NPRL2: variants seen among roughly 807,000 people sequenced by gnomAD.
The protein encoded by NPRL2 is NPR2 like, GATOR1 complex subunit.
A neutral mutation model predicts 51.1 loss-of-function variants in NPRL2; 21 were observed. That is an observed-to-expected ratio of 0.41 (90% CI 0.29 to 0.59). NPRL2 has a LOEUF of 0.59. NPRL2 is among the 20% of genes least tolerant of loss of function. The probability of loss-of-function intolerance (pLI) is 0.29; values close to 1 mark genes in which losing one functional copy is unlikely to be tolerated. For missense variants in NPRL2, 376 were observed against 483.4 expected, an observed-to-expected ratio of 0.78 and a Z score of 2.08; for synonymous variants, 175 against 187.8, an observed-to-expected ratio of 0.93 and a Z score of 0.56.
chr3:50,348,170 C>T lies in NPRL2; in HGVS notation c.886G>A (p.Asp296Asn). 1.2e-6 allele frequency: 2 copies of T among 1,614,074 alleles called. No individual in the cohort carries two copies. Among genetic ancestry groups the T allele is most frequent in the Non-Finnish European group, 1.7e-6 (2 of 1,180,044 alleles). ...CSLSPGTTVRDLIGRHPQQLQ... is the reference protein window; with the variant it reads ...CSLSPGTTVRNLIGRHPQQLQ... ...TGCTGGGGGTGGCGGCCAATGAGGT[C>T]TCGCACGGTAGTGCCAGGGCTCAGG... Residue 296 changes from aspartate (D) to asparagine (N), a missense_variant, in exon 9 of 11, where the codon GAC (aspartate) becomes AAC (asparagine). Physicochemically the swap from Asp to Asn is conservative, Grantham distance 23. Transcript: ENST00000232501. This position sits in a 1 kb window ranked among gnomAD's most constrained non-coding sequence, Gnocchi z 5.8.
chr3:50,350,119 T>C lies in NPRL2; in HGVS notation c.79-97A>G. ...CATGCCCCCCAAGCCCAAGTCCTCTTCTCCAGCGTTCCCCTCTCTCCCATC... is the reference window on the plus strand; with the variant it reads ...CATGCCCCCCAAGCCCAAGTCCTCTCCTCCAGCGTTCCCCTCTCTCCCATC... On this transcript the variant is annotated intron_variant, in intron 1 of 10. Transcript: ENST00000232501. The surrounding 1 kb of genome is among the most constrained non-coding windows in gnomAD (Gnocchi z 5.7). 2 of 935,330 alleles carry C rather than the reference T, an allele frequency of 2.1e-6. No individual in the cohort carries two copies. Among genetic ancestry groups the C allele is most frequent in the Middle Eastern group, 3.2e-4 (1 of 3,088 alleles). The allele number at this position is 935,330 out of a possible 1,614,324, so 57.9% of individuals were successfully genotyped here. A position where few individuals can be genotyped will look rare whatever the true frequency, so the allele number is the denominator to read the frequency against.
rs767169790 is a variant in NPRL2, at chr3:50,349,849, ACAGT to A, written c.171-20_171-17del. The A allele has an allele frequency of 2.5e-6, 4 of 1,611,880 alleles. No homozygotes were observed. Among genetic ancestry groups the A allele is most frequent in the African/African-American group, 1.3e-5 (1 of 75,018 alleles). ...CATAGCTGTGCTGGATAATTGGAAC[ACAGT>A]CAGGCCCCCAAGCCTGTCCCTTCCT... On this transcript the variant is annotated splice_polypyrimidine_tract_variant and intron_variant, in intron 2 of 10. Coordinates refer to ENST00000232501, the MANE Select transcript of NPRL2 (RefSeq NM_006545.5). The surrounding 1 kb of genome is among the most constrained non-coding windows in gnomAD (Gnocchi z 4.6).
At position 50,349,209 on chromosome 3, in the gene NPRL2, C is replaced by T; in HGVS notation, c.448+177G>A. 1.2e-6 allele frequency: 1 copy of T among 839,660 alleles called. No individual in the cohort carries two copies. Among genetic ancestry groups the T allele is most frequent in the Admixed American group, 2.5e-5 (1 of 40,322 alleles). The allele number at this position is 839,660 out of a possible 1,614,324, so 52.0% of individuals were successfully genotyped here. ...GGCAGAGCTGGAGAGCTCTGCTTTC[C>T]CCCTACCCCCAGTCCCAGCTCCATC... On this transcript the variant is annotated intron_variant, in intron 4 of 10. Transcript: ENST00000232501. This position sits in a 1 kb window ranked among gnomAD's most constrained non-coding sequence, Gnocchi z 4.6.
chr3:50,347,389 C>T lies in NPRL2; in HGVS notation c.*217G>A, dbSNP rs587664086. The T allele has an allele frequency of 2.6e-5, 4 of 151,584 alleles. No homozygotes were observed. Among genetic ancestry groups the T allele is most frequent in the African/African-American group, 6.4e-5 (2 of 31,380 alleles). The allele number at this position is 151,584 out of a possible 1,614,324, so 9.4% of individuals were successfully genotyped here. On this transcript the variant is annotated 3_prime_UTR_variant, in exon 11 of 11. Transcript: ENST00000232501. ...ACCGGCACTTTTATTTGTCGATTGT[C>T]GGTCCTGCCCACCAGATGGCGATCT...
Position 50,348,083 on chromosome 3 carries a change from C to T in NPRL2, c.932+41G>A. 9 of 1,608,080 alleles carry T rather than the reference C, an allele frequency of 5.6e-6. No homozygotes were observed. Among genetic ancestry groups the T allele is most frequent in the Non-Finnish European group, 7.7e-6 (9 of 1,174,890 alleles). On this transcript the variant is annotated intron_variant, in intron 9 of 10. Coordinates refer to ENST00000232501, the MANE Select transcript of NPRL2 (RefSeq NM_006545.5). This position sits in a 1 kb window ranked among gnomAD's most constrained non-coding sequence, Gnocchi z 5.8. ...GAGAGACATAAAGGGTCTAGCTTCC[C>T]TCAGGTAACTCCCAAATGCCCCAGC...
Position 50,349,924 on chromosome 3 carries a change from G to T in NPRL2, c.170+7C>A. On this transcript the variant is annotated splice_region_variant and intron_variant, in intron 2 of 10. Transcript: ENST00000232501. This position sits in a 1 kb window ranked among gnomAD's most constrained non-coding sequence, Gnocchi z 4.6. ...CACCCACCGCTCACCCCGAGCTAGG[G>T]TCTCACACAGTGATAAGCTTGTTCT... 6.2e-7 allele frequency: 1 copy of T among 1,613,862 alleles called. No homozygotes were observed. Among genetic ancestry groups the T allele is most frequent in the African/African-American group, 1.3e-5 (1 of 74,968 alleles).
In NPRL2 at chr3:50,349,716, G is replaced by A. The variant is rs374673037; in HGVS notation, c.288C>T (p.Cys96=). 65 of 1,613,764 alleles carry A rather than the reference G, an allele frequency of 4.0e-5. No individual in the cohort carries two copies. Among genetic ancestry groups the A allele is most frequent in the Middle Eastern group, 1.6e-4 (1 of 6,084 alleles). ...GCTTTTTAACAATGGGCTCGAGGGC[G>A]CAGGTCTTGGCCTGGGCATCACACA... ...GFVCDAQAKT[C]ALEPIVKKLA... Residue 96 remains cysteine, a synonymous_variant, in exon 3 of 11, where the codon TGC becomes TGT. Coordinates refer to ENST00000232501, the MANE Select transcript of NPRL2 (RefSeq NM_006545.5). This position sits in a 1 kb window ranked among gnomAD's most constrained non-coding sequence, Gnocchi z 4.6.
In NPRL2 at chr3:50,349,044, C is replaced by T; in HGVS notation, c.449-34G>A. On this transcript the variant is annotated intron_variant, in intron 4 of 10. Transcript: ENST00000232501. The surrounding 1 kb of genome is among the most constrained non-coding windows in gnomAD (Gnocchi z 4.6). The stretch of plus-strand genomic sequence containing the variant: ...GGCCCCATCCATATCCTCAGTGCCA[C>T]TTCTTCCAAGAGGTCCTCAATTACC... 6.2e-7 allele frequency: 1 copy of T among 1,602,828 alleles called. No individual in the cohort carries two copies. Among genetic ancestry groups the T allele is most frequent in the Middle Eastern group, 1.8e-4 (1 of 5,646 alleles).
Position 50,348,671 on chromosome 3 carries a change from G to A in NPRL2, c.683+14C>T, listed in dbSNP as rs759186509. 1.1e-5 allele frequency: 18 copies of A among 1,613,852 alleles called. No homozygotes were observed. Among genetic ancestry groups the A allele is most frequent in the African/African-American group, 1.1e-4 (8 of 74,898 alleles). On this transcript the variant is annotated intron_variant, in intron 6 of 10. Coordinates refer to ENST00000232501, the MANE Select transcript of NPRL2 (RefSeq NM_006545.5). The surrounding 1 kb of genome is among the most constrained non-coding windows in gnomAD (Gnocchi z 5.8). Reference sequence around the variant, plus strand: ...TGGTGACCTTGTCCCAGGTATGACTGTAGGCCCACTCACAGCAGGTTCTGG... The same window carrying A: ...TGGTGACCTTGTCCCAGGTATGACTATAGGCCCACTCACAGCAGGTTCTGG...
chr3:50,349,283 C>A lies in NPRL2; in HGVS notation c.448+103G>T. ...CACCTCAGCCCATGGCTATTTCCTGCCCACCAATGTGTTCATGAGTCTTGC... is the reference window on the plus strand; with the variant it reads ...CACCTCAGCCCATGGCTATTTCCTGACCACCAATGTGTTCATGAGTCTTGC... On this transcript the variant is annotated intron_variant, in intron 4 of 10. Transcript: ENST00000232501. This position sits in a 1 kb window ranked among gnomAD's most constrained non-coding sequence, Gnocchi z 4.6. 1 of 1,072,254 alleles carries A rather than the reference C, an allele frequency of 9.3e-7. No individual in the cohort carries two copies. Among genetic ancestry groups the A allele is most frequent in the Non-Finnish European group, 1.4e-6 (1 of 715,386 alleles). 66.4% of individuals were successfully genotyped at this position (1,072,254 alleles called of 1,614,324 possible). A position where few individuals can be genotyped will look rare whatever the true frequency, so the allele number is the denominator to read the frequency against.
In NPRL2 at chr3:50,348,672, T is replaced by C. The variant is rs1243115655; in HGVS notation, c.683+13A>G. 6.2e-7 allele frequency: 1 copy of C among 1,614,008 alleles called. No individual in the cohort carries two copies. The highest frequency in any genetic ancestry group is 1.1e-5 in the South Asian group (1 of 91,082). On this transcript the variant is annotated intron_variant, in intron 6 of 10. Coordinates refer to ENST00000232501, the MANE Select transcript of NPRL2 (RefSeq NM_006545.5). This position sits in a 1 kb window ranked among gnomAD's most constrained non-coding sequence, Gnocchi z 5.8. The stretch of plus-strand genomic sequence containing the variant: ...GGTGACCTTGTCCCAGGTATGACTG[T>C]AGGCCCACTCACAGCAGGTTCTGGA...
Position 50,348,843 on chromosome 3 carries a change from AGGT to A in NPRL2, c.585+28_585+30del, listed in dbSNP as rs1389875938. ...TGAGGCCAGGGCTGTGGCCAGCCCCAGGTGATGATACCCAGGGAGGGATGGCAT... is the reference window on the plus strand; with the variant it reads ...TGAGGCCAGGGCTGTGGCCAGCCCCAGATGATACCCAGGGAGGGATGGCAT... On this transcript the variant is annotated intron_variant, in intron 5 of 10. Coordinates refer to ENST00000232501, the MANE Select transcript of NPRL2 (RefSeq NM_006545.5). The surrounding 1 kb of genome is among the most constrained non-coding windows in gnomAD (Gnocchi z 5.8). 6.2e-7 allele frequency: 1 copy of A among 1,613,894 alleles called. No individual in the cohort carries two copies. Among genetic ancestry groups the A allele is most frequent in the Non-Finnish European group, 8.5e-7 (1 of 1,179,860 alleles).
chr3:50,348,035 G>C lies in NPRL2; in HGVS notation c.932+89C>G, dbSNP rs587719299. ...TCCAGGAAGCCTGCTTGGATTGGCA[G>C]TGCCCCATGATCCAGGGCTCCTGAG... On this transcript the variant is annotated intron_variant, in intron 9 of 10. Coordinates refer to ENST00000232501, the MANE Select transcript of NPRL2 (RefSeq NM_006545.5). The surrounding 1 kb of genome is among the most constrained non-coding windows in gnomAD (Gnocchi z 5.8). The C allele has an allele frequency of 6.3e-7, 1 of 1,585,440 alleles. No homozygotes were observed. The highest frequency in any genetic ancestry group is 1.3e-5 in the African/African-American group (1 of 74,436).
chr3:50,350,156 ATTAC>A lies in NPRL2; in HGVS notation c.79-138_79-135del. 2 of 694,866 alleles carry A rather than the reference ATTAC, an allele frequency of 2.9e-6. No homozygotes were observed. Among genetic ancestry groups the A allele is most frequent in the Admixed American group, 5.0e-5 (2 of 40,182 alleles). 43.0% of individuals were successfully genotyped at this position (694,866 alleles called of 1,614,324 possible). A position where few individuals can be genotyped will look rare whatever the true frequency, so the allele number is the denominator to read the frequency against. On this transcript the variant is annotated intron_variant, in intron 1 of 10. Coordinates refer to ENST00000232501, the MANE Select transcript of NPRL2 (RefSeq NM_006545.5). This position sits in a 1 kb window ranked among gnomAD's most constrained non-coding sequence, Gnocchi z 5.7. Reference sequence around the variant, plus strand: ...CCCTCTCTCCCATCCACTCAGGCCTATTACTTCTTTCTGTTTCCAAACATACGCT... The same window carrying A: ...CCCTCTCTCCCATCCACTCAGGCCTATTCTTTCTGTTTCCAAACATACGCT...
Position 50,349,150 on chromosome 3 carries a change from C to T in NPRL2, c.449-140G>A, listed in dbSNP as rs754038933. 45 of 1,091,346 alleles carry T rather than the reference C, an allele frequency of 4.1e-5. No homozygotes were observed. Among genetic ancestry groups the T allele is most frequent in the Middle Eastern group, 2.7e-4 (1 of 3,670 alleles). 67.6% of individuals were successfully genotyped at this position (1,091,346 alleles called of 1,614,324 possible). A position where few individuals can be genotyped will look rare whatever the true frequency, so the allele number is the denominator to read the frequency against. ...CTTTCTCTTTTTATGGAGTGAGAAA[C>T]GGAGGCCCACAAAGGGGAAGGAATT... On this transcript the variant is annotated intron_variant, in intron 4 of 10. Coordinates refer to ENST00000232501, the MANE Select transcript of NPRL2 (RefSeq NM_006545.5). This position sits in a 1 kb window ranked among gnomAD's most constrained non-coding sequence, Gnocchi z 4.6.
Position 50,348,077 on chromosome 3 carries a change from G to A in NPRL2, c.932+47C>T, listed in dbSNP as rs1254653184. ...GCTCCTGAGAGACATAAAGGGTCTA[G>A]CTTCCCTCAGGTAACTCCCAAATGC... On this transcript the variant is annotated intron_variant, in intron 9 of 10. Coordinates refer to ENST00000232501, the MANE Select transcript of NPRL2 (RefSeq NM_006545.5). The surrounding 1 kb of genome is among the most constrained non-coding windows in gnomAD (Gnocchi z 5.8). 2 of 1,602,292 alleles carry A rather than the reference G, an allele frequency of 1.2e-6. No individual in the cohort carries two copies. Among genetic ancestry groups the A allele is most frequent in the South Asian group, 1.1e-5 (1 of 90,800 alleles).
In NPRL2 at chr3:50,348,624, G is replaced by A; in HGVS notation, c.683+61C>T. The stretch of plus-strand genomic sequence containing the variant: ...ATGCCTTCCCAACCCTCACACCCAG[G>A]GCCCCTGAGGTCTTCCCTGGCTGGT... On this transcript the variant is annotated intron_variant, in intron 6 of 10. Coordinates refer to ENST00000232501, the MANE Select transcript of NPRL2 (RefSeq NM_006545.5). This position sits in a 1 kb window ranked among gnomAD's most constrained non-coding sequence, Gnocchi z 5.8. The A allele has an allele frequency of 6.2e-7, 1 of 1,613,850 alleles. No homozygotes were observed. Among genetic ancestry groups the A allele is most frequent in the South Asian group, 1.1e-5 (1 of 91,066 alleles).
In NPRL2 at chr3:50,347,633, G is replaced by T. The variant is rs1204090531; in HGVS notation, c.1116C>A (p.Asp372Glu). The T allele has an allele frequency of 6.2e-7, 1 of 1,614,058 alleles. No individual in the cohort carries two copies. Among genetic ancestry groups the T allele is most frequent in the Admixed American group, 1.7e-5 (1 of 60,026 alleles). ...ACTTCCAGCAGATGATGATGTTGGG[G>T]TCATTTTCAAGCCGCTCATCCAGCT... ...YHELDERLENDPNIIICWK is the reference protein window; with the variant it reads ...YHELDERLENEPNIIICWK The change falls in exon 11 of 11, where the codon GAC (aspartate) becomes GAA (glutamate). Residue 372 changes from aspartate to glutamate, a missense_variant. Coordinates refer to ENST00000232501, the MANE Select transcript of NPRL2 (RefSeq NM_006545.5).
In NPRL2 at chr3:50,347,937, G is replaced by A. The variant is rs767433677; in HGVS notation, c.933-36C>T. 3.6e-5 allele frequency: 58 copies of A among 1,611,472 alleles called. No individual in the cohort carries two copies. In the East Asian group the frequency reaches 1.3e-3, roughly 36 times the overall value. Reference sequence around the variant, plus strand: ...GATCAGAGGACGGGGTGACGCCCTGGCCAGGCCTTCTTTCAGGCAGGCCAA... The same window carrying A: ...GATCAGAGGACGGGGTGACGCCCTGACCAGGCCTTCTTTCAGGCAGGCCAA... On this transcript the variant is annotated intron_variant, in intron 9 of 10. Coordinates refer to ENST00000232501, the MANE Select transcript of NPRL2 (RefSeq NM_006545.5).
Sources: allele counts gnomAD v4.1 joint callset, GRCh38; gene constraint gnomAD v4.1.1; non-coding constraint Gnocchi (gnomAD v3.1); transcripts MANE v1.5; gene names NCBI Gene and HGNC (gene_info 2026-07-23, HGNC 2026-07-21).